RORA: variants seen among roughly 807,000 people sequenced by gnomAD.
RORA encodes nuclear receptor ROR-alpha.
RORA carries 7 observed loss-of-function variants against 69.5 expected under a neutral mutation model. That is an observed-to-expected ratio of 0.10 (90% CI 0.06 to 0.19). RORA has a LOEUF of 0.19. Ranked by LOEUF, RORA falls within the 10% of genes least tolerant of loss-of-function variation. RORA has a pLI of 1.00. For missense variants in RORA, 457 were observed against 663.0 expected, an observed-to-expected ratio of 0.69 and a Z score of 3.41; for synonymous variants, 261 against 240.8, an observed-to-expected ratio of 1.08 and a Z score of -0.78.
At chr15:60,911,850 C>A (rs1395974426) in intron 1 of RORA, among the ~76,000 whole-genome samples, 1 of 137,544 alleles carries the variant, frequency 7.3e-6, no homozygotes, top group Non-Finnish European at 1.5e-5. Flanking sequence ...CAGACGTGCA[C>A]CTGGCTAAGT....
chr15:61,157,784 T>A (rs774095619), intron 1 of RORA, among the ~76,000 whole-genome samples: 1 of 152,224 alleles, frequency 6.6e-6, no homozygotes, highest in South Asian at 2.1e-4. Flanking sequence ...TAGGCTGTTA[T>A]TAAATGACTG....
intron 1 of RORA, among the ~76,000 whole-genome samples, chr15:60,822,823 AC>A (rs1567203212): frequency 1.3e-5 from 2 of 152,004 alleles, no homozygotes; most frequent in African/African-American, 4.8e-5. Context: ...TAAAGGCACC[AC>A]CCCCTGGCTC....
intron 1 of RORA, among the ~76,000 whole-genome samples, chr15:60,785,594 T>A (rs1248313776): frequency 6.6e-6 from 1 of 152,200 alleles, no homozygotes; most frequent in Non-Finnish European, 1.5e-5. Context: ...CTCTCGTCTG[T>A]CCCTCCAGCT....
intron 1 of RORA, among the ~76,000 whole-genome samples, chr15:61,204,748 G>C (rs1004356995): frequency 6.6e-6 from 1 of 152,230 alleles, no homozygotes; most frequent in South Asian, 2.1e-4. Context: ...ATGACATGCA[G>C]CTTTCAGACT....
intron 7 of RORA, among the ~76,000 whole-genome samples, chr15:60,503,140 CAG>C (rs1364111017): frequency 6.6e-6 from 1 of 152,200 alleles, no homozygotes; most frequent in Non-Finnish European, 1.5e-5. Flanking sequence ...CCTCGCAATG[CAG>C]AGTCTCAGAG....
chr15:60,638,434 A>G (rs971125530), intron 2 of RORA, among the ~76,000 whole-genome samples: 1 of 139,378 alleles, frequency 7.2e-6, no homozygotes, highest in Non-Finnish European at 1.5e-5. Context: ...TTTTCTTAAT[A>G]ATGGCCTGTT....
At chr15:60,923,064 C>T (rs917449412) in intron 1 of RORA, among the ~76,000 whole-genome samples, 1 of 152,174 alleles carries the variant, frequency 6.6e-6, no homozygotes, top group Non-Finnish European at 1.5e-5. Context: ...GCAGACAGGA[C>T]CCACTTTTTG....
chr15:60,592,364 C>A (rs898801863), intron 2 of RORA: 128 of 1,408,188 alleles, frequency 9.1e-5, no homozygotes, highest in Non-Finnish European at 1.2e-4. Context: ...CCCACCCGGC[C>A]CCGGCGGGGC....
At chr15:60,700,411 G>A (rs2070965579) in intron 1 of RORA, among the ~76,000 whole-genome samples, 1 of 152,188 alleles carries the variant, frequency 6.6e-6, no homozygotes, top group African/African-American at 2.4e-5. Context: ...AGGAAGCAGA[G>A]CCAATGTGAT....
chr15:60,562,432 G>C (rs375270309), intron 2 of RORA, among the ~76,000 whole-genome samples: 3 of 95,572 alleles, frequency 3.1e-5, no homozygotes, highest in East Asian at 4.3e-4. Context: ...AGGCGGGGTT[G>C]GGGGGGGGTT....
At chr15:60,728,070 G>A (rs1232699544) in intron 1 of RORA, among the ~76,000 whole-genome samples, 1 of 152,174 alleles carries the variant, frequency 6.6e-6, no homozygotes, top group Non-Finnish European at 1.5e-5. Context: ...TCAAAAGAAC[G>A]AATGCCAAAG....
intron 1 of RORA, among the ~76,000 whole-genome samples, chr15:61,086,684 A>T (rs1474006140): frequency 6.6e-6 from 1 of 152,144 alleles, no homozygotes; most frequent in African/African-American, 2.4e-5. Flanking sequence ...AAGTTCTAAA[A>T]AAGTTTTTTT....
In RORA at chr15:60,940,890, G is replaced by A. The variant is rs138220909; in HGVS notation, c.167-262204C>T. 2.0e-3 allele frequency among the ~76,000 whole-genome samples: 310 copies of A among 152,262 alleles called. 2 individuals are homozygous for A. The highest frequency in any genetic ancestry group is 3.3e-3 in the Non-Finnish European group (223 of 68,026). ...TGCAGTGAGCCAAGATCGCACCACC[G>A]CACTCCAGCCTGGCAGCAGAGTGAG... On this transcript the variant is annotated intron_variant, in intron 1 of 10. Transcript: ENST00000335670.
intron 2 of RORA, among the ~76,000 whole-genome samples, chr15:60,617,444 T>G (rs891637698): frequency 6.6e-6 from 1 of 152,130 alleles, no homozygotes; most frequent in Non-Finnish European, 1.5e-5. Flanking sequence ...AGGAAGCAAC[T>G]GCGCAAAAGG....
intron 2 of RORA, among the ~76,000 whole-genome samples, chr15:60,676,815 T>C (rs944808372): frequency 6.6e-6 from 1 of 152,224 alleles, no homozygotes; most frequent in Non-Finnish European, 1.5e-5. Flanking sequence ...CCACAGGTTA[T>C]TGTTTCTGCA....
intron 2 of RORA, among the ~76,000 whole-genome samples, chr15:60,617,209 T>C (rs2069267883): frequency 6.6e-6 from 1 of 152,196 alleles, no homozygotes; most frequent in Admixed American, 6.5e-5. Context: ...CCCATCACAG[T>C]GCCTGGTATA....
At chr15:61,173,697 C>T (rs2079604382) in intron 1 of RORA, among the ~76,000 whole-genome samples, 1 of 152,164 alleles carries the variant, frequency 6.6e-6, no homozygotes, top group African/African-American at 2.4e-5. Flanking sequence ...GCTCTGCCAC[C>T]CAGGCTGGAG....
Position 60,531,872 on chromosome 15 carries a change from C to T in RORA, c.197-21G>A. Reference sequence around the variant, plus strand: ...TTGAGCTGCAACAGAAGCACGCAACCAGTTAATTACATTTTCTTTTAAACA... The same window carrying T: ...TTGAGCTGCAACAGAAGCACGCAACTAGTTAATTACATTTTCTTTTAAACA... On this transcript the variant is annotated intron_variant, in intron 2 of 10. Transcript: ENST00000335670. The surrounding 1 kb of genome is among the most constrained non-coding windows in gnomAD (Gnocchi z 4.8). 1 of 1,478,398 alleles carries T rather than the reference C, an allele frequency of 6.8e-7. No homozygotes were observed. 91.6% of individuals were successfully genotyped at this position (1,478,398 alleles called of 1,614,324 possible). A position where few individuals can be genotyped will look rare whatever the true frequency, so the allele number is the denominator to read the frequency against.
intron 2 of RORA, among the ~76,000 whole-genome samples, chr15:60,624,279 G>A (rs890428821): frequency 6.7e-6 from 1 of 149,126 alleles, no homozygotes; most frequent in Non-Finnish European, 1.5e-5. Context: ...TCTTTTCCTG[G>A]ACCACTGGAA....
Sources: allele counts gnomAD v4.1 joint callset (sites outside exome capture counted in the v4.1 genomes callset), GRCh38; gene constraint gnomAD v4.1.1; non-coding constraint Gnocchi (gnomAD v3.1); transcripts MANE v1.5; gene names NCBI Gene and HGNC (gene_info 2026-07-23, HGNC 2026-07-21).